The following OSBPL11 variants were observed in gnomAD, a reference collection of about 807,000 sequenced individuals.
The protein encoded by OSBPL11 is oxysterol-binding protein-related protein 11.
OSBPL11 carries 33 observed loss-of-function variants against 84.4 expected under a neutral mutation model. The observed-to-expected ratio is 0.39, with a 90% CI of 0.30 to 0.52. The LOEUF (loss-of-function observed/expected upper bound fraction) is 0.52. Ranked by LOEUF, OSBPL11 falls within the 20% of genes least tolerant of loss-of-function variation. The pLI is 0.72. For synonymous variants in OSBPL11, 276 were observed against 310.2 expected, an observed-to-expected ratio of 0.89 and a Z score of 1.16; for missense variants, 736 against 901.1, an observed-to-expected ratio of 0.82 and a Z score of 2.35.
intron 10 of OSBPL11, among the ~76,000 whole-genome samples, chr3:125,545,760 A>G (rs1046955691): frequency 2.0e-5 from 3 of 152,082 alleles, no homozygotes; most frequent in Admixed American, 2.0e-4. Flanking sequence ...GGGAATAGTT[A>G]AGCAGGCTCA....
At chr3:125,569,533 C>T (rs1936212117) in intron 5 of OSBPL11, among the ~76,000 whole-genome samples, 1 of 152,112 alleles carries the variant, frequency 6.6e-6, no homozygotes, top group Non-Finnish European at 1.5e-5. Flanking sequence ...TCCCATTAAT[C>T]CAAACTTATG....
chr3:125,540,841 G>A (rs1935719669), intron 10 of OSBPL11, among the ~76,000 whole-genome samples: 1 of 152,194 alleles, frequency 6.6e-6, no homozygotes, highest in Non-Finnish European at 1.5e-5. Flanking sequence ...AGAGAAGTGG[G>A]GCAGGGGACA....
rs749431321 is a variant in OSBPL11 at position 125,552,523 on chromosome 3, C to A, written c.1312G>T (p.Glu438Ter). 2 of 1,614,044 alleles carry A rather than the reference C, an allele frequency of 1.2e-6. No homozygotes were observed. Among genetic ancestry groups the A allele is most frequent in the Non-Finnish European group, 1.7e-6 (2 of 1,180,036 alleles). Reference sequence around the variant, plus strand: ...TTAGCAATGGCTCCCTTACGGCCTTCATGAAATGAGGTAAGGTAGTACTCA... The same window carrying A: ...TTAGCAATGGCTCCCTTACGGCCTTAATGAAATGAGGTAAGGTAGTACTCA... ...FVEYYLTSFHEGRKGAIAKKP... is the reference protein window; with the variant it reads ...FVEYYLTSFH The change falls in exon 9 of 13, where the codon GAA (glutamate) becomes TAA (stop). Residue 438 changes from glutamate (E) to a stop codon, truncating the protein, a stop_gained. Transcript: ENST00000296220. LOFTEE classifies it high-confidence loss of function.
intron 1 of OSBPL11, among the ~76,000 whole-genome samples, chr3:125,588,682 C>T (rs1224824452): frequency 4.6e-5 from 7 of 152,132 alleles, no homozygotes; most frequent in South Asian, 2.1e-4. Flanking sequence ...TAGCATGAAG[C>T]GGGGAGTGGC....
rs142309557 is a variant in OSBPL11, at chr3:125,533,242, C to T, written c.2025-1228G>A. On this transcript the variant is annotated intron_variant, in intron 11 of 12. Coordinates refer to ENST00000296220, the MANE Select transcript of OSBPL11 (RefSeq NM_022776.5). ...TCCCTCCCTCTTTCTCTTCTGTTCT[C>T]GTCTCTTCTCTTTTTTCTTTTTTTG... Among the ~76,000 whole-genome samples the T allele has an allele frequency of 2.2e-3, 303 of 139,742 alleles. 1 individual carries two copies. The highest frequency in any genetic ancestry group is 7.3e-3 in the African/African-American group (281 of 38,582). 91.7% of individuals were successfully genotyped at this position (139,742 alleles called of 152,430 possible). A position where few individuals can be genotyped will look rare whatever the true frequency, so the allele number is the denominator to read the frequency against.
Position 125,579,852 on chromosome 3 carries a change from A to G in OSBPL11, c.409+13T>C. On this transcript the variant is annotated intron_variant, in intron 3 of 12. Coordinates refer to ENST00000296220, the MANE Select transcript of OSBPL11 (RefSeq NM_022776.5). ...GGAAAATCACAGTATTAATTCTCAT[A>G]TTTTGGTCATACCTCTGAGTTTATA... 6.2e-7 allele frequency: 1 copy of G among 1,611,716 alleles called. No individual in the cohort carries two copies. The highest frequency in any genetic ancestry group is 2.2e-5 in the East Asian group (1 of 44,856).
intron 6 of OSBPL11, among the ~76,000 whole-genome samples, chr3:125,564,119 C>T (rs547186127): frequency 6.4e-4 from 97 of 152,194 alleles, no homozygotes; most frequent in Admixed American, 2.1e-3. Context: ...CTGTGAATCA[C>T]GAAGTATATT....
chr3:125,581,948 T>C (rs1371049738), intron 2 of OSBPL11, among the ~76,000 whole-genome samples: 1 of 151,892 alleles, frequency 6.6e-6, no homozygotes, highest in Non-Finnish European at 1.5e-5. Flanking sequence ...TACTCCAGCC[T>C]GGGCAACAGA....
At chr3:125,576,423 C>T in intron 4 of OSBPL11, 58 bp from the exon 5 acceptor site, 1 of 1,352,240 alleles carries the variant, frequency 7.4e-7, no homozygotes, top group Non-Finnish European at 1.0e-6. Flanking sequence ...GATTTCTAAC[C>T]ATCAAACTAC....
intron 7 of OSBPL11, among the ~76,000 whole-genome samples, chr3:125,561,883 C>T (rs182914477): frequency 7.7e-4 from 117 of 152,178 alleles, no homozygotes; most frequent in Non-Finnish European, 7.4e-5. Context: ...GTATATTATC[C>T]CTACCTTACC....
intron 10 of OSBPL11, among the ~76,000 whole-genome samples, chr3:125,540,328 CAAAAAAA>C (rs201858368): frequency 5.9e-5 from 5 of 85,334 alleles, no homozygotes; most frequent in South Asian, 4.0e-4. Flanking sequence ...GGCTCTGTCT[CAAAAAAA>C]AAAAAAAAAA....
intron 10 of OSBPL11, among the ~76,000 whole-genome samples, chr3:125,544,694 A>G (rs1378944110): frequency 6.6e-6 from 1 of 152,196 alleles, no homozygotes; most frequent in Non-Finnish European, 1.5e-5. Context: ...TCTCCTTGAT[A>G]AAAACTTTGC....
chr3:125,588,127 CAGG>C (rs1158261154), intron 1 of OSBPL11, among the ~76,000 whole-genome samples: 1 of 149,562 alleles, frequency 6.7e-6, no homozygotes, highest in Non-Finnish European at 1.5e-5. Flanking sequence ...GAGGCTGAGG[CAGG>C]AGAATTGCTT....
chr3:125,532,613 A>G (rs1216058834), intron 11 of OSBPL11, among the ~76,000 whole-genome samples: 1 of 151,584 alleles, frequency 6.6e-6, no homozygotes, highest in East Asian at 1.9e-4. Flanking sequence ...CTGCCACAAC[A>G]CTTCTTTAGG....
intron 11 of OSBPL11, among the ~76,000 whole-genome samples, chr3:125,534,781 T>G (rs1935614938): frequency 6.6e-6 from 1 of 151,748 alleles, no homozygotes; most frequent in African/African-American, 2.4e-5. Context: ...TTTATTGCAA[T>G]TTAACAATGT....
chr3:125,573,872 C>CAAAAAAA (rs35902125), intron 5 of OSBPL11, among the ~76,000 whole-genome samples: 1 of 43,524 alleles, frequency 2.3e-5, no homozygotes, highest in Non-Finnish European at 4.0e-5. Flanking sequence ...AACTCCGTCT[C>CAAAAAAA]AAAAAAAAAA....
Position 125,563,759 on chromosome 3 carries a change from T to C in OSBPL11, c.953A>G (p.Gln318Arg). ...NGADQPFATD[Q>R]SKPVAVPEEQ... ...TTCTGGGACTGCCACCGGCTTACTC[T>C]GATCAGTTGCAAAGGGCTGGTCAGC... Residue 318 changes from glutamine to arginine, a missense_variant, in exon 7 of 13, where the codon CAG (glutamine) becomes CGG (arginine). Around this residue, in one of 3 missense-constraint regions of OSBPL11, gnomAD observed 579 missense variants for 717.6 expected, o/e 0.81. Transcript: ENST00000296220. 4.3e-6 allele frequency: 7 copies of C among 1,614,196 alleles called. No homozygotes were observed. Among genetic ancestry groups the C allele is most frequent in the Non-Finnish European group, 5.1e-6 (6 of 1,180,014 alleles).
chr3:125,567,226 A>C (rs1267097292), intron 6 of OSBPL11, among the ~76,000 whole-genome samples, 168 bp downstream of exon 6: 2 of 152,232 alleles, frequency 1.3e-5, no homozygotes, highest in African/African-American at 4.8e-5. Flanking sequence ...AAAGGACACA[A>C]TCATTAAGAA....
chr3:125,562,338 G>A (rs1936090871), intron 7 of OSBPL11, among the ~76,000 whole-genome samples: 2 of 152,058 alleles, frequency 1.3e-5, no homozygotes, highest in South Asian at 4.1e-4. Flanking sequence ...CATTGTACTT[G>A]CCATATACTA....
Sources: allele counts gnomAD v4.1 joint callset (sites outside exome capture counted in the v4.1 genomes callset), GRCh38; gene constraint gnomAD v4.1.1; regional missense constraint gnomAD v4.1.1; transcripts MANE v1.5; gene names NCBI Gene and HGNC (gene_info 2026-07-23, HGNC 2026-07-21).